SPTY2D1: variants seen among roughly 807,000 people sequenced by gnomAD.
The protein encoded by SPTY2D1 is protein SPT2 homolog.
SPTY2D1 carries 21 observed loss-of-function variants against 64.0 expected under a neutral mutation model. That is an observed-to-expected ratio of 0.33 (90% CI 0.23 to 0.47). The LOEUF (loss-of-function observed/expected upper bound fraction) is 0.47, where lower values mean the gene tolerates loss of function less well. SPTY2D1 is among the 20% of genes least tolerant of loss of function. The probability of loss-of-function intolerance (pLI) is 1.00; values close to 1 mark genes in which losing one functional copy is unlikely to be tolerated. For missense variants in SPTY2D1, 724 were observed against 837.2 expected (o/e 0.86, Z 1.67); for synonymous variants, 287 against 286.8 (o/e 1.00, Z -0.01).
At chr11:18,634,088 C>A in intron 1 of SPTY2D1, 110 bp downstream of exon 1, 1 of 1,232,388 alleles carries the variant, frequency 8.1e-7, no homozygotes, top group Non-Finnish European at 1.2e-6. Flanking sequence ...GCGTCCGGGT[C>A]TTTCCTCTCC....
intron 1 of SPTY2D1, among the ~76,000 whole-genome samples, chr11:18,620,814 G>A (rs1250362334): frequency 2.0e-5 from 3 of 148,986 alleles, no homozygotes; most frequent in Non-Finnish European, 4.4e-5. Context: ...GTGAACCTGG[G>A]AGGCGGAGCT....
chr11:18,630,127 C>CT, intron 1 of SPTY2D1, among the ~76,000 whole-genome samples: 1 of 151,558 alleles, frequency 6.6e-6, no homozygotes, highest in South Asian at 2.1e-4. Flanking sequence ...CAAGACCATG[C>CT]CACTGCACTT....
At chr11:18,623,601 T>G (rs1854451313) in intron 1 of SPTY2D1, among the ~76,000 whole-genome samples, 1 of 152,216 alleles carries the variant, frequency 6.6e-6, no homozygotes, top group Admixed American at 6.5e-5. Context: ...ATAATGTGGA[T>G]GGGTCTCATC....
intron 1 of SPTY2D1, among the ~76,000 whole-genome samples, chr11:18,622,692 T>C (rs1333900397): frequency 2.0e-5 from 3 of 151,918 alleles, no homozygotes; most frequent in African/African-American, 7.3e-5. Flanking sequence ...TGGCTCACCC[T>C]TGTAATCCCT....
intron 1 of SPTY2D1, among the ~76,000 whole-genome samples, chr11:18,622,889 T>G (rs1348076431): frequency 6.6e-6 from 1 of 150,712 alleles, no homozygotes. Flanking sequence ...GAGGTGGAGG[T>G]TGCAGTGAGC....
chr11:18,623,069 TAGTC>T (rs1854441811), intron 1 of SPTY2D1, among the ~76,000 whole-genome samples: 1 of 152,104 alleles, frequency 6.6e-6, no homozygotes, highest in Non-Finnish European at 1.5e-5. Context: ...ACTGATAACA[TAGTC>T]AATTAACATA....
chr11:18,614,688 G>C lies in SPTY2D1; in HGVS notation c.1586C>G (p.Pro529Arg). Reference sequence around the variant, plus strand: ...AACAGTGCACTTAGGCTTTATAGTGGGACCTGAGCTACTAACTGTTTGCCC... The same window carrying C: ...AACAGTGCACTTAGGCTTTATAGTGCGACCTGAGCTACTAACTGTTTGCCC... ...GPGQTVSSSG[P>R]TIKPKCTVVS... The change falls in exon 3 of 6, where the codon CCC becomes CGC. Residue 529 changes from proline (P) to arginine (R), a missense_variant. This residue lies in a region of SPTY2D1 where 426 missense variants were observed against 431.8 expected (regional missense o/e 0.99). Transcript: ENST00000336349. 6.2e-7 allele frequency: 1 copy of C among 1,614,198 alleles called. No homozygotes were observed. Among genetic ancestry groups the C allele is most frequent in the Non-Finnish European group, 8.5e-7 (1 of 1,180,030 alleles).
chr11:18,614,824 G>T lies in SPTY2D1; in HGVS notation c.1450C>A (p.Pro484Thr), dbSNP rs1854264438. 6.2e-7 allele frequency: 1 copy of T among 1,613,392 alleles called. No individual in the cohort carries two copies. The highest frequency in any genetic ancestry group is 1.3e-5 in the African/African-American group (1 of 74,948). ...GGGCCACTGACAGACCGCCCCGGGG[G>T]GCCCAAGCCACTCACTGGTCGTCGA... ...ELRRPVSGLGPPGRSVSGPGR... is the reference protein window; with the variant it reads ...ELRRPVSGLGTPGRSVSGPGR... The change falls in exon 3 of 6, where the codon CCC becomes ACC. Residue 484 changes from proline to threonine, a missense_variant. Pro to Thr is a conservative substitution (Grantham distance 38). Transcript: ENST00000336349.
At chr11:18,630,917 C>A (rs114427387) in intron 1 of SPTY2D1, among the ~76,000 whole-genome samples, 282 of 152,288 alleles carry the variant, frequency 1.9e-3, no homozygotes, top group African/African-American at 6.5e-3. Flanking sequence ...TGTCTTACTG[C>A]AACCTCCGCC....
intron 1 of SPTY2D1, among the ~76,000 whole-genome samples, chr11:18,628,181 T>C (rs753353414): frequency 3.9e-4 from 59 of 152,344 alleles, no homozygotes; most frequent in Middle Eastern, 3.4e-3. Context: ...ATTAACCTTG[T>C]ACAGAAAATA....
intron 1 of SPTY2D1, among the ~76,000 whole-genome samples, chr11:18,619,456 T>TAAGA (rs1854355419): frequency 8.7e-6 from 1 of 114,626 alleles, no homozygotes; most frequent in Admixed American, 9.3e-5. Flanking sequence ...CTCATCTCTT[T>TAAGA]AAAAAAAAAA....
intron 1 of SPTY2D1, among the ~76,000 whole-genome samples, chr11:18,621,079 G>A (rs1854388181): frequency 6.6e-6 from 1 of 151,508 alleles, no homozygotes; most frequent in African/African-American, 2.4e-5. Flanking sequence ...TGAAGCGGGT[G>A]GATCACCTGA....
chr11:18,618,691 C>G (rs138419685), intron 1 of SPTY2D1, among the ~76,000 whole-genome samples: 105 of 152,296 alleles, frequency 6.9e-4, no homozygotes, highest in African/African-American at 2.4e-3. Flanking sequence ...TTAGGAACAA[C>G]TTAGGAACCA....
rs1379511756 is a variant in SPTY2D1 at position 18,609,659 on chromosome 11, A to G, written c.*202T>C. 5.1e-6 allele frequency: 3 copies of G among 585,972 alleles called. No individual in the cohort carries two copies. The highest frequency in any genetic ancestry group is 9.1e-6 in the Non-Finnish European group (3 of 331,356). 36.3% of individuals were successfully genotyped at this position (585,972 alleles called of 1,614,324 possible). On this transcript the variant is annotated 3_prime_UTR_variant, in exon 6 of 6. Coordinates refer to ENST00000336349, the MANE Select transcript of SPTY2D1 (RefSeq NM_194285.3). ...TCATAAGAGCACAAGTGGGCATTAT[A>G]TCATCTGCATTACAGATTTCACCCT...
intron 1 of SPTY2D1, among the ~76,000 whole-genome samples, chr11:18,631,602 CAAAAAA>C (rs10617150): frequency 8.6e-6 from 1 of 116,328 alleles, no homozygotes; most frequent in African/African-American, 3.4e-5. Flanking sequence ...AAATAGATAA[CAAAAAA>C]AAAAAAAAAA....
Position 18,611,554 on chromosome 11 carries a change from T to G in SPTY2D1, c.1887A>C (p.Lys629Asn). The G allele has an allele frequency of 6.2e-7, 1 of 1,612,804 alleles. No homozygotes were observed. The highest frequency in any genetic ancestry group is 8.5e-7 in the Non-Finnish European group (1 of 1,179,166). ...IREIFGYDRKKYKDESDYALR... is the reference protein window; with the variant it reads ...IREIFGYDRKNYKDESDYALR... ...AGGCATAATCACTTTCATCTTTGTA[T>G]CTGATAAAAGGAAATCAAAATGATA... The change falls in exon 5 of 6, where the codon AAA (lysine) becomes AAC (asparagine). Residue 629 changes from lysine (K) to asparagine (N), a missense_variant and splice_region_variant. Transcript: ENST00000336349.
chr11:18,631,372 G>A (rs868339438), intron 1 of SPTY2D1, among the ~76,000 whole-genome samples: 6 of 151,986 alleles, frequency 3.9e-5, no homozygotes, highest in African/African-American at 9.6e-5. Context: ...CCAGGAGTTT[G>A]ATACCAGCCC....
intron 2 of SPTY2D1, among the ~76,000 whole-genome samples, 153 bp from the exon 3 acceptor site, chr11:18,616,251 C>T (rs1253527681): frequency 3.9e-5 from 6 of 152,208 alleles, no homozygotes; most frequent in Non-Finnish European, 7.3e-5. Flanking sequence ...GTCATCTTTA[C>T]ATAATGAGTG....
chr11:18,616,082 C>A lies in SPTY2D1; in HGVS notation c.192G>T (p.Arg64Ser), dbSNP rs761546369. ...ELRRKALEEKRRKEELVKKRI... is the reference protein window; with the variant it reads ...ELRRKALEEKSRKEELVKKRI... ...GCTTTTTCACTAGTTCCTCTTTTCT[C>A]CTTTTCTCCTCTAAGGCTAAAAGGG... is the stretch of plus-strand genomic sequence containing the variant. The change falls in exon 3 of 6, where the codon AGG becomes AGT. Residue 64 changes from arginine to serine, a missense_variant. By Grantham distance (110) the Arg-to-Ser change is moderately radical (BLOSUM62 -1). Around this residue, in one of 3 missense-constraint regions of SPTY2D1, gnomAD observed 179 missense variants for 232.5 expected, o/e 0.77. Coordinates refer to ENST00000336349, the MANE Select transcript of SPTY2D1 (RefSeq NM_194285.3). 25 of 1,607,880 alleles carry A rather than the reference C, an allele frequency of 1.6e-5. No homozygotes were observed. The highest frequency in any genetic ancestry group is 2.1e-5 in the Non-Finnish European group (25 of 1,177,214).
Sources: allele counts gnomAD v4.1 joint callset (sites outside exome capture counted in the v4.1 genomes callset), GRCh38; gene constraint gnomAD v4.1.1; regional missense constraint gnomAD v4.1.1; transcripts MANE v1.5; gene names NCBI Gene and HGNC (gene_info 2026-07-23, HGNC 2026-07-21).